CNTN4: variants seen among roughly 807,000 people sequenced by gnomAD.
CNTN4 encodes contactin-4.
Under a neutral mutation model 122.5 loss-of-function variants are expected in CNTN4, and 77 were observed. That is an observed-to-expected ratio of 0.63 (90% CI 0.52 to 0.76). CNTN4 has a LOEUF of 0.76. CNTN4 is among the 30% of genes least tolerant of loss of function. The pLI, the probability that CNTN4 is intolerant of heterozygous loss-of-function variation, is 0.00. For synonymous variants in CNTN4, 512 were observed against 447.0 expected, an observed-to-expected ratio of 1.15 and a Z score of -1.83; for missense variants, 1,256 against 1,259.1, an observed-to-expected ratio of 1.00 and a Z score of 0.04.
intron 3 of CNTN4, among the ~76,000 whole-genome samples, chr3:2,551,029 C>T (rs150546834): frequency 2.3e-4 from 35 of 152,056 alleles, no homozygotes; most frequent in African/African-American, 6.3e-4. Flanking sequence ...TGCAGCAAAC[C>T]ATCATGGCAC....
At chr3:2,484,871 C>G (rs568221270) in intron 3 of CNTN4, among the ~76,000 whole-genome samples, 1 of 152,172 alleles carries the variant, frequency 6.6e-6, no homozygotes, top group Non-Finnish European at 1.5e-5. Context: ...CTGGGCTGGC[C>G]GAGGCTGAGC....
At chr3:2,576,571 G>A (rs1444514632) in intron 4 of CNTN4, among the ~76,000 whole-genome samples, 1 of 138,974 alleles carries the variant, frequency 7.2e-6, no homozygotes, top group Non-Finnish European at 1.5e-5. Context: ...TTTTTGAGAT[G>A]GAGTCTTGCT....
chr3:3,039,142 A>C, intron 19 of CNTN4, 139 bp downstream of exon 19: 1 of 758,048 alleles, frequency 1.3e-6, no homozygotes, highest in Non-Finnish European at 2.3e-6. Context: ...ACTCCCTCTC[A>C]CGTAGCTAAT....
intron 2 of CNTN4, among the ~76,000 whole-genome samples, chr3:2,157,229 G>T (rs1212895287): frequency 6.6e-6 from 1 of 152,198 alleles, no homozygotes; most frequent in African/African-American, 2.4e-5. Context: ...AGACCTGGTG[G>T]ATAATATGTG....
chr3:2,530,275 T>C lies in CNTN4; in HGVS notation c.-88-41141T>C, dbSNP rs149779572. Among the ~76,000 whole-genome samples, 557 of 151,776 alleles carry C rather than the reference T, an allele frequency of 3.7e-3. 6 individuals are homozygous for C. The highest frequency in any genetic ancestry group is 0.013 in the African/African-American group (529 of 41,416). Reference sequence around the variant, plus strand: ...TTGTCAGTGTACCTGTTTATTTCACTAATATACTCTATTTTCTTCTTCTTT... The same window carrying C: ...TTGTCAGTGTACCTGTTTATTTCACCAATATACTCTATTTTCTTCTTCTTT... On this transcript the variant is annotated intron_variant, in intron 3 of 24. Transcript: ENST00000418658.
chr3:2,717,966 T>G (rs553686239), intron 4 of CNTN4, among the ~76,000 whole-genome samples: 82 of 152,220 alleles, frequency 5.4e-4, no homozygotes, highest in Non-Finnish European at 1.1e-3. Flanking sequence ...CATCTCTGTT[T>G]GGAGAAGTGT....
intron 3 of CNTN4, among the ~76,000 whole-genome samples, chr3:2,370,367 C>T (rs1341431892): frequency 6.6e-6 from 1 of 152,022 alleles, no homozygotes; most frequent in Non-Finnish European, 1.5e-5. Flanking sequence ...TTTGGTTTTC[C>T]TGAAATCATA....
chr3:2,381,353 A>G (rs933002667), intron 3 of CNTN4, among the ~76,000 whole-genome samples: 1 of 152,060 alleles, frequency 6.6e-6, no homozygotes, highest in Non-Finnish European at 1.5e-5. Context: ...TTTGCCTTAT[A>G]ATACTTTGTA....
chr3:2,461,464 G>A (rs1433426327), intron 3 of CNTN4, among the ~76,000 whole-genome samples: 1 of 152,098 alleles, frequency 6.6e-6, no homozygotes, highest in Non-Finnish European at 1.5e-5. Flanking sequence ...ACAAAGTTAT[G>A]CAAGCTCAGT....
At chr3:2,256,679 C>T (rs1283037885) in intron 2 of CNTN4, among the ~76,000 whole-genome samples, 1 of 152,034 alleles carries the variant, frequency 6.6e-6, no homozygotes, top group Non-Finnish European at 1.5e-5. Flanking sequence ...TGAGTGAACT[C>T]CCATTCACAA....
At chr3:2,615,562 T>C (rs1304622166) in intron 4 of CNTN4, among the ~76,000 whole-genome samples, 1 of 124,662 alleles carries the variant, frequency 8.0e-6, no homozygotes, top group Non-Finnish European at 1.7e-5. Context: ...GGAATGAAGT[T>C]CATCATCTAT....
chr3:2,668,920 C>A (rs1185920479), intron 4 of CNTN4, among the ~76,000 whole-genome samples: 2 of 152,156 alleles, frequency 1.3e-5, no homozygotes, highest in Non-Finnish European at 2.9e-5. Context: ...TTGAACCAGC[C>A]TTGCATCATA....
chr3:2,508,580 C>T (rs2076798074), intron 3 of CNTN4, among the ~76,000 whole-genome samples: 1 of 152,112 alleles, frequency 6.6e-6, no homozygotes, highest in African/African-American at 2.4e-5. Flanking sequence ...GGAGCCCCAT[C>T]CCCCAGGTTC....
chr3:2,431,848 T>G (rs2048084602), intron 3 of CNTN4, among the ~76,000 whole-genome samples: 1 of 152,204 alleles, frequency 6.6e-6, no homozygotes, highest in Non-Finnish European at 1.5e-5. Flanking sequence ...GAATCAAGGT[T>G]AACTATACAA....
At chr3:2,943,533 G>C (rs966522450) in intron 13 of CNTN4, among the ~76,000 whole-genome samples, 4 of 150,156 alleles carry the variant, frequency 2.7e-5, no homozygotes, top group Non-Finnish European at 5.9e-5. Flanking sequence ...GTGAATACTT[G>C]GTTATAGAGA....
chr3:2,979,694 A>G (rs1218854329), intron 13 of CNTN4, among the ~76,000 whole-genome samples: 1 of 151,758 alleles, frequency 6.6e-6, no homozygotes, highest in Non-Finnish European at 1.5e-5. Context: ...TTTAAAATTT[A>G]ACATAACAGT....
At chr3:2,870,640 T>C (rs1197314211) in intron 8 of CNTN4, among the ~76,000 whole-genome samples, 3 of 152,296 alleles carry the variant, frequency 2.0e-5, no homozygotes, top group East Asian at 3.9e-4. Flanking sequence ...ACAATCATTT[T>C]GATGATTGAA....
chr3:2,369,391 C>T (rs1475303504), intron 3 of CNTN4, among the ~76,000 whole-genome samples: 1 of 152,188 alleles, frequency 6.6e-6, no homozygotes, highest in East Asian at 1.9e-4. Flanking sequence ...ATTTTTAAAA[C>T]ATCATAGCCA....
intron 10 of CNTN4, among the ~76,000 whole-genome samples, chr3:2,894,459 T>G (rs1277266344): frequency 6.6e-6 from 1 of 152,228 alleles, no homozygotes; most frequent in African/African-American, 2.4e-5. Flanking sequence ...TTTCTGAATC[T>G]GGATGTTAAT....
Sources: allele counts gnomAD v4.1 joint callset (sites outside exome capture counted in the v4.1 genomes callset), GRCh38; gene constraint gnomAD v4.1.1; transcripts MANE v1.5; gene names NCBI Gene and HGNC (gene_info 2026-07-23, HGNC 2026-07-21).